The following ZMAT4 variants were observed in gnomAD, a reference collection of about 807,000 sequenced individuals.
ZMAT4 encodes the protein zinc finger matrin-type protein 4.
A neutral mutation model predicts 28.7 loss-of-function variants in ZMAT4; 17 were observed. That is an observed-to-expected ratio of 0.59 (90% CI 0.41 to 0.89). The LOEUF (loss-of-function observed/expected upper bound fraction) is 0.89. Ranked by LOEUF, ZMAT4 falls within the 40% of genes least tolerant of loss-of-function variation. The probability of loss-of-function intolerance (pLI) is 0.00; values close to 1 mark genes in which losing one functional copy is unlikely to be tolerated. For missense variants in ZMAT4, 240 were observed against 283.8 expected (o/e 0.85, Z 1.11); for synonymous variants, 117 against 109.2 (o/e 1.07, Z -0.44).
chr8:40,681,583 C>A (rs977130323), intron 4 of ZMAT4, among the ~76,000 whole-genome samples: 1 of 152,116 alleles, frequency 6.6e-6, no homozygotes, highest in Non-Finnish European at 1.5e-5. Flanking sequence ...TCCGTGCCCA[C>A]CACAAAGTCA....
chr8:40,551,400 A>G (rs1467609900), intron 6 of ZMAT4, among the ~76,000 whole-genome samples: 2 of 152,180 alleles, frequency 1.3e-5, no homozygotes, highest in Non-Finnish European at 2.9e-5. Flanking sequence ...ACGTTGTTCT[A>G]TTAAACTTTC....
chr8:40,764,265 A>G (rs1228333738), intron 3 of ZMAT4, among the ~76,000 whole-genome samples: 4 of 109,656 alleles, frequency 3.6e-5, no homozygotes, highest in Non-Finnish European at 5.0e-5. Flanking sequence ...TTCCAGGGGG[A>G]AAAAAAATGT....
rs148949560 is a variant in ZMAT4 at position 40,541,068 on chromosome 8, C to G, written c.675-8830G>C. ...AAAATGGGTATAATATAATAACACA[C>G]AGACCTCACAGGGCTGCTTTGAAGA... On this transcript the variant is annotated intron_variant, in intron 6 of 6. Transcript: ENST00000297737. Among the ~76,000 whole-genome samples, 515 of 152,242 alleles carry G rather than the reference C, an allele frequency of 3.4e-3. 3 individuals carry two copies. Among genetic ancestry groups the G allele is most frequent in the African/African-American group, 0.012 (485 of 41,510 alleles).
intron 5 of ZMAT4, among the ~76,000 whole-genome samples, chr8:40,586,380 G>GAAAAACATA (rs1278506070): frequency 3.3e-5 from 5 of 152,130 alleles, no homozygotes; most frequent in Non-Finnish European, 7.3e-5. Context: ...ATATGTGTTA[G>GAAAAACATA]AAAAACATAG....
intron 3 of ZMAT4, among the ~76,000 whole-genome samples, chr8:40,709,106 G>A (rs533763502): frequency 3.3e-5 from 5 of 152,062 alleles, no homozygotes; most frequent in African/African-American, 4.8e-5. Context: ...AAATGTCAGC[G>A]TTTGCATATA....
At chr8:40,549,839 G>A (rs1803313556) in intron 6 of ZMAT4, among the ~76,000 whole-genome samples, 1 of 152,030 alleles carries the variant, frequency 6.6e-6, no homozygotes, top group South Asian at 2.1e-4. Flanking sequence ...ACTCTGATCT[G>A]ACTACTGATC....
chr8:40,634,200 G>A (rs544925739), intron 5 of ZMAT4, among the ~76,000 whole-genome samples: 1 of 152,324 alleles, frequency 6.6e-6, no homozygotes, highest in South Asian at 2.1e-4. Flanking sequence ...TCTGGGAGAT[G>A]GAGAATTCTC....
intron 1 of ZMAT4, among the ~76,000 whole-genome samples, chr8:40,886,184 A>G (rs1373025293): frequency 6.6e-6 from 1 of 152,232 alleles, no homozygotes; most frequent in Non-Finnish European, 1.5e-5. Context: ...GAGCTCACAC[A>G]GCCCCAGAGC....
intron 2 of ZMAT4, among the ~76,000 whole-genome samples, chr8:40,801,573 G>A (rs565877049): frequency 4.5e-4 from 68 of 151,822 alleles, no homozygotes; most frequent in African/African-American, 1.5e-3. Flanking sequence ...AGGAGGCTGA[G>A]GAAGGAGAAT....
At chr8:40,624,399 T>C (rs1169156094) in intron 5 of ZMAT4, among the ~76,000 whole-genome samples, 2 of 152,180 alleles carry the variant, frequency 1.3e-5, no homozygotes, top group Admixed American at 1.3e-4. Context: ...AATTCCAGCC[T>C]CCAGGACCGT....
intron 3 of ZMAT4, among the ~76,000 whole-genome samples, chr8:40,721,391 G>A (rs1268890697): frequency 7.4e-6 from 1 of 135,514 alleles, no homozygotes; most frequent in Non-Finnish European, 1.6e-5. Flanking sequence ...TTGGACATTT[G>A]GGTTGGTTCC....
chr8:40,775,494 T>A (rs1813554331), intron 2 of ZMAT4, among the ~76,000 whole-genome samples: 1 of 152,218 alleles, frequency 6.6e-6, no homozygotes, highest in Non-Finnish European at 1.5e-5. Context: ...GAGGGTTTGC[T>A]GCAACTGGTG....
intron 4 of ZMAT4, among the ~76,000 whole-genome samples, chr8:40,683,817 A>G (rs924061754): frequency 3.9e-5 from 6 of 152,106 alleles, no homozygotes; most frequent in African/African-American, 1.4e-4. Flanking sequence ...GTAATTCCAG[A>G]ACTTCAAGAG....
At chr8:40,746,255 CCCTCCCTCCCTT>C (rs1484609993) in intron 3 of ZMAT4, among the ~76,000 whole-genome samples, 369 of 26,476 alleles carry the variant, frequency 0.014, 4 homozygotes, top group East Asian at 0.036. Context: ...CTCCCTCCCT[CCCTCCCTCCCTT>C]CCTTCCTTTC....
At chr8:40,592,730 T>C (rs1804939028) in intron 5 of ZMAT4, among the ~76,000 whole-genome samples, 1 of 152,164 alleles carries the variant, frequency 6.6e-6, no homozygotes, top group Admixed American at 6.5e-5. Flanking sequence ...TGGGACACAG[T>C]AGATCATTCT....
At chr8:40,845,620 G>A (rs1453124238) in intron 1 of ZMAT4, among the ~76,000 whole-genome samples, 1 of 151,780 alleles carries the variant, frequency 6.6e-6, no homozygotes, top group Non-Finnish European at 1.5e-5. Context: ...TTATGTTCAG[G>A]CAAGATAGTC....
At chr8:40,889,079 G>A (rs372224593) in intron 1 of ZMAT4, among the ~76,000 whole-genome samples, 2 of 152,256 alleles carry the variant, frequency 1.3e-5, no homozygotes, top group African/African-American at 2.4e-5. Flanking sequence ...CCTTTTGCTC[G>A]GAGCCTCAAC....
chr8:40,828,972 A>T (rs903607315), intron 1 of ZMAT4, among the ~76,000 whole-genome samples: 3 of 149,920 alleles, frequency 2.0e-5, no homozygotes, highest in African/African-American at 7.3e-5. Context: ...AAAAAAAAAA[A>T]TTTCCAGTTT....
At chr8:40,570,185 A>G (rs1585698128) in intron 6 of ZMAT4, among the ~76,000 whole-genome samples, 1 of 152,220 alleles carries the variant, frequency 6.6e-6, no homozygotes, top group Non-Finnish European at 1.5e-5. Flanking sequence ...AGACAAGACT[A>G]GACTACAGTG....
Sources: gnomAD v4.1 joint callset for allele counts (sites outside exome capture counted in the v4.1 genomes callset) on GRCh38, gnomAD v4.1.1 for gene constraint, MANE v1.5 for transcripts, NCBI Gene and HGNC (gene_info 2026-07-23, HGNC 2026-07-21) for gene names.